Variants in PDYN observed in about 807,000 individuals in gnomAD.
PDYN encodes proenkephalin-B.
PDYN carries 5 observed loss-of-function variants against 11.4 expected under a neutral mutation model. The ratio of observed to expected loss-of-function variants is 0.44; its 90% confidence interval spans 0.23 to 0.92. The LOEUF (loss-of-function observed/expected upper bound fraction) is 0.92. Among genes scored for constraint, PDYN ranks in the 40% least tolerant of loss-of-function variants. The pLI is 0.24. For missense variants in PDYN, 337 were observed against 317.3 expected (o/e 1.06, Z -0.47); for synonymous variants, 132 against 129.5 (o/e 1.02, Z -0.13).
intron 2 of PDYN, among the ~76,000 whole-genome samples, chr20:1,989,810 T>C (rs377292795): frequency 6.6e-6 from 1 of 152,182 alleles, no homozygotes; most frequent in Non-Finnish European, 1.5e-5. Context: ...GAACCGTGAC[T>C]CCCACTAAAG....
chr20:1,981,414 G>T (rs1248786576), intron 3 of PDYN, among the ~76,000 whole-genome samples: 1 of 152,146 alleles, frequency 6.6e-6, no homozygotes, highest in Non-Finnish European at 1.5e-5. Flanking sequence ...ACACAGGAGG[G>T]TTCATCAGGC....
At chr20:1,981,983 TTG>T (rs1408211615) in intron 3 of PDYN, among the ~76,000 whole-genome samples, 4 of 150,048 alleles carry the variant, frequency 2.7e-5, no homozygotes, top group South Asian at 2.1e-4. Context: ...TGGCATGGGC[TTG>T]ATAGCCCATG....
chr20:1,984,931 G>C (rs957677081), intron 2 of PDYN, among the ~76,000 whole-genome samples: 1 of 152,036 alleles, frequency 6.6e-6, no homozygotes, highest in African/African-American at 2.4e-5. Flanking sequence ...CATAGTCAGC[G>C]CTTTATAAAT....
In PDYN at chr20:1,983,062, A is replaced by G; in HGVS notation, c.23T>C (p.Leu8Pro). The change falls in exon 3 of 4, where the codon CTG becomes CCG. Residue 8 changes from leucine to proline, a missense_variant. Transcript: ENST00000217305. ...GGGGAACATGAGGAGGCAGGCAGCC[A>G]GGACCAGCCCCTGCCAGGCCATCCT... MAWQGLV[L>P]AACLLMFPST... 3 of 1,613,516 alleles carry G rather than the reference A, an allele frequency of 1.9e-6. No homozygotes were observed. The South Asian group carries it at 3.3e-5, about 18-fold the overall frequency.
In PDYN at chr20:1,983,349, A is replaced by G. The variant is rs45503795; in HGVS notation, c.-19-246T>C. ...CTGCACATTCACTTTCAATCTGCAC[A>G]ATAGTTCTTCAATGTGGGCTGTGCT... On this transcript the variant is annotated intron_variant, in intron 2 of 3. Transcript: ENST00000217305. Among the ~76,000 whole-genome samples the G allele has an allele frequency of 0.046, 6,989 of 152,282 alleles. 274 individuals are homozygous for G. The highest frequency in any genetic ancestry group is 0.11 in the Admixed American group (1,623 of 15,292).
In PDYN at chr20:1,980,081, T is replaced by A. The variant is rs1987630775; in HGVS notation, c.*242A>T. ...GCTGCCGCTGCTGATAGTTTTAGAGTCTAGGTGTCTGAGCCAAGCACTAAG... is the reference window on the plus strand; with the variant it reads ...GCTGCCGCTGCTGATAGTTTTAGAGACTAGGTGTCTGAGCCAAGCACTAAG... On this transcript the variant is annotated 3_prime_UTR_variant, in exon 4 of 4. Coordinates refer to ENST00000217305, the MANE Select transcript of PDYN (RefSeq NM_024411.5). The A allele has an allele frequency of 1.0e-5, 6 of 574,218 alleles. No homozygotes were observed. The South Asian group carries it at 1.1e-4, about 11-fold the overall frequency. 35.6% of individuals were successfully genotyped at this position (574,218 alleles called of 1,614,324 possible). A position where few individuals can be genotyped will look rare whatever the true frequency, so the allele number is the denominator to read the frequency against.
At position 1,980,691 on chromosome 20, in the gene PDYN, G is replaced by A. The variant is rs375073007; in HGVS notation, c.397C>T (p.Leu133Phe). 22 of 1,614,078 alleles carry A rather than the reference G, an allele frequency of 1.4e-5. No individual in the cohort carries two copies. Among genetic ancestry groups the A allele is most frequent in the South Asian group, 2.2e-5 (2 of 91,090 alleles). The change falls in exon 4 of 4, where the codon CTC becomes TTC. Residue 133 changes from leucine to phenylalanine, a missense_variant. Physicochemically the swap from Leu to Phe is conservative, Grantham distance 22 (BLOSUM62 0). Coordinates refer to ENST00000217305, the MANE Select transcript of PDYN (RefSeq NM_024411.5). ...GCTCCCTCCCTAAACCCGTCAGAGA[G>A]ACCCCTGAGCTTCTCCTCCAGGCTC... ...SKSLEEKLRG[L>F]SDGFREGAES...
chr20:1,992,727 G>A (rs1160692102), intron 1 of PDYN, 84 bp from the exon 2 acceptor site: 2 of 152,392 alleles, frequency 1.3e-5, no homozygotes, highest in Non-Finnish European at 2.9e-5. Flanking sequence ...CCACAGAGGG[G>A]TGGGAGTGAG....
At chr20:1,982,553 G>T (rs1185226394) in intron 3 of PDYN, among the ~76,000 whole-genome samples, 1 of 152,142 alleles carries the variant, frequency 6.6e-6, no homozygotes, top group Non-Finnish European at 1.5e-5. Context: ...CCAGATCTTT[G>T]CATTTAGGGG....
At chr20:1,981,006 G>A (rs1600507872) in intron 3 of PDYN, 48 bp from the exon 4 acceptor site, 3 of 1,605,608 alleles carry the variant, frequency 1.9e-6, no homozygotes, top group East Asian at 4.5e-5. Context: ...CAAAACACAT[G>A]CACTGGTCTG....
intron 3 of PDYN, among the ~76,000 whole-genome samples, chr20:1,981,518 C>T (rs763957888): frequency 7.2e-5 from 11 of 152,234 alleles, no homozygotes; most frequent in East Asian, 5.8e-4. Flanking sequence ...GAACTTGAAC[C>T]CAGGCCGTCC....
chr20:1,986,498 G>T (rs1420025314), intron 2 of PDYN, among the ~76,000 whole-genome samples: 1 of 152,204 alleles, frequency 6.6e-6, no homozygotes, highest in Non-Finnish European at 1.5e-5. Context: ...TCCAGAGGAA[G>T]ATTGTCCCCA....
chr20:1,984,682 T>A (rs1047630739), intron 2 of PDYN, among the ~76,000 whole-genome samples: 4 of 152,162 alleles, frequency 2.6e-5, no homozygotes, highest in African/African-American at 9.7e-5. Context: ...ACAGATCACT[T>A]GAGTTCAGGA....
intron 3 of PDYN, among the ~76,000 whole-genome samples, chr20:1,982,128 G>A (rs1987853646): frequency 6.6e-6 from 1 of 151,534 alleles, no homozygotes; most frequent in Non-Finnish European, 1.5e-5. Flanking sequence ...GTGGTGGTGG[G>A]TGCCCATAGT....
At position 1,980,047 on chromosome 20, in the gene PDYN, G is replaced by A. The variant is rs181065033; in HGVS notation, c.*276C>T. ...GAAGGACAGATCACAAACTGCTGCT[G>A]CTGCTGCTGCTGCCGCTGCTGATAG... On this transcript the variant is annotated 3_prime_UTR_variant, in exon 4 of 4. Transcript: ENST00000217305. 1.0e-3 allele frequency: 519 copies of A among 505,546 alleles called. 6 individuals carry two copies. The highest frequency in any genetic ancestry group is 9.2e-3 in the African/African-American group (477 of 51,818). The allele number at this position is 505,546 out of a possible 1,614,324, so 31.3% of individuals were successfully genotyped here.
intron 2 of PDYN, among the ~76,000 whole-genome samples, chr20:1,984,873 T>C (rs955565842): frequency 5.9e-5 from 9 of 151,948 alleles, no homozygotes; most frequent in Non-Finnish European, 1.0e-4. Context: ...CACTCCAGCC[T>C]GGGCAACACA....
rs746152392 is a variant in PDYN, at chr20:1,980,833, C to T, written c.255G>A (p.Lys85=). The part of the protein sequence containing the change: ...GLNDKEDLGS[K]SVGEGPYSEL... ...CACTGTAGGGCCCTTCCCCAACCGA[C>T]TTGCTCCCCAAGTCCTCCTTGTCAT... Residue 85 remains lysine, a synonymous_variant, in exon 4 of 4, where the codon AAG becomes AAA. Coordinates refer to ENST00000217305, the MANE Select transcript of PDYN (RefSeq NM_024411.5). The T allele has an allele frequency of 6.2e-7, 1 of 1,614,262 alleles. No individual in the cohort carries two copies. Among genetic ancestry groups the T allele is most frequent in the Non-Finnish European group, 8.5e-7 (1 of 1,180,052 alleles).
At chr20:1,985,061 A>G (rs1988098721) in intron 2 of PDYN, among the ~76,000 whole-genome samples, 1 of 152,162 alleles carries the variant, frequency 6.6e-6, no homozygotes, top group African/African-American at 2.4e-5. Context: ...TTCGCCCAGC[A>G]TGGTCTTTGT....
intron 2 of PDYN, among the ~76,000 whole-genome samples, chr20:1,985,689 A>C (rs1332315597): frequency 6.6e-6 from 1 of 152,150 alleles, no homozygotes; most frequent in African/African-American, 2.4e-5. Flanking sequence ...GCCTCGCTTG[A>C]GGCTGGCAAG....
Sources: gnomAD v4.1 joint callset for allele counts (sites outside exome capture counted in the v4.1 genomes callset) on GRCh38, gnomAD v4.1.1 for gene constraint, MANE v1.5 for transcripts, NCBI Gene and HGNC (gene_info 2026-07-23, HGNC 2026-07-21) for gene names.